The following MAML2 variants were observed in gnomAD, a reference collection of about 807,000 sequenced individuals.
MAML2 encodes mastermind like transcriptional coactivator 2.
MAML2 carries 22 observed loss-of-function variants against 96.1 expected under a neutral mutation model. That is an observed-to-expected ratio of 0.23 (90% confidence interval 0.16 to 0.33). The LOEUF (loss-of-function observed/expected upper bound fraction) is 0.33, where lower values mean the gene tolerates loss of function less well. Among genes scored for constraint, MAML2 ranks in the 10% least tolerant of loss-of-function variants. The pLI is 1.00. For missense variants in MAML2, 1,367 were observed against 1,392.4 expected (o/e 0.98, Z 0.29); for synonymous variants, 561 against 521.3 (o/e 1.08, Z -1.04).
At chr11:96,135,414 G>A (rs1860612336) in intron 1 of MAML2, among the ~76,000 whole-genome samples, 2 of 152,084 alleles carry the variant, frequency 1.3e-5, no homozygotes, top group South Asian at 2.1e-4. Context: ...CTCACACCAG[G>A]CCTATCAGTT....
At chr11:96,228,786 C>T (rs1862249783) in intron 1 of MAML2, among the ~76,000 whole-genome samples, 1 of 152,138 alleles carries the variant, frequency 6.6e-6, no homozygotes, top group Non-Finnish European at 1.5e-5. Flanking sequence ...GGTGATGCTG[C>T]CTCCGGCTGG....
intron 1 of MAML2, among the ~76,000 whole-genome samples, chr11:96,166,197 A>T (rs930291272): frequency 1.3e-5 from 2 of 150,958 alleles, no homozygotes; most frequent in Non-Finnish European, 3.0e-5. Flanking sequence ...ACACACACAC[A>T]CACACACACA....
At chr11:96,279,696 T>G (rs922256354) in intron 1 of MAML2, among the ~76,000 whole-genome samples, 2 of 152,354 alleles carry the variant, frequency 1.3e-5, no homozygotes, top group South Asian at 2.1e-4. Context: ...ATGGCTCACC[T>G]GTGTCCTTGC....
intron 1 of MAML2, among the ~76,000 whole-genome samples, chr11:96,243,059 T>A (rs965850226): frequency 1.3e-5 from 2 of 150,338 alleles, no homozygotes; most frequent in Non-Finnish European, 3.0e-5. Flanking sequence ...CACATACACA[T>A]ACACACACAC....
intron 2 of MAML2, among the ~76,000 whole-genome samples, chr11:96,021,319 T>G (rs1264883300): frequency 6.6e-6 from 1 of 152,218 alleles, no homozygotes; most frequent in African/African-American, 2.4e-5. Context: ...AAATATTTGT[T>G]AAATGAATGG....
At chr11:96,029,971 C>T (rs989167497) in intron 2 of MAML2, among the ~76,000 whole-genome samples, 9 of 152,156 alleles carry the variant, frequency 5.9e-5, no homozygotes, top group African/African-American at 2.2e-4. Flanking sequence ...CGGTGGCTCA[C>T]GCCTATAATC....
Position 96,310,972 on chromosome 11 carries a change from T to C in MAML2, c.513+30411A>G, listed in dbSNP as rs181145715. Among the ~76,000 whole-genome samples, 3 of 152,312 alleles carry C rather than the reference T, an allele frequency of 2.0e-5. No homozygotes were observed. The East Asian group carries it at 5.8e-4, about 29-fold the overall frequency. On this transcript the variant is annotated intron_variant, in intron 1 of 4. Coordinates refer to ENST00000524717, the MANE Select transcript of MAML2 (RefSeq NM_032427.4). ...CAAGAAATGTGTTCAATGGCTAACA[T>C]CTAAGGAGTCCCAACTATGTCTAGG...
In MAML2 at chr11:96,212,108, A is replaced by AGTGTGTGTGT. The variant is rs72133828; in HGVS notation, c.514-118601_514-118592dup. On this transcript the variant is annotated intron_variant, in intron 1 of 4. Transcript: ENST00000524717. ...AATTTAGGCTATAAAAGGAAGACAA[A>AGTGTGTGTGT]GTGTGTGTGTGTGTGTGTGTGTGTG... 3.4e-3 allele frequency among the ~76,000 whole-genome samples: 455 copies of AGTGTGTGTGT among 134,224 alleles called. 2 individuals carry two copies. The highest frequency in any genetic ancestry group is 0.015 in the East Asian group (65 of 4,366). 88.1% of individuals were successfully genotyped at this position (134,224 alleles called of 152,430 possible). A position where few individuals can be genotyped will look rare whatever the true frequency, so the allele number is the denominator to read the frequency against.
intron 1 of MAML2, among the ~76,000 whole-genome samples, chr11:96,226,153 G>C (rs1411369639): frequency 6.6e-6 from 1 of 152,192 alleles, no homozygotes; most frequent in Non-Finnish European, 1.5e-5. Flanking sequence ...ATAGCATGGG[G>C]ATTGAATCTG....
At chr11:96,292,544 T>C (rs1232652763) in intron 1 of MAML2, among the ~76,000 whole-genome samples, 1 of 152,234 alleles carries the variant, frequency 6.6e-6, no homozygotes, top group East Asian at 1.9e-4. Context: ...CAAGCAGTTA[T>C]GTAAACCTAG....
At chr11:96,152,728 C>T (rs1264872995) in intron 1 of MAML2, among the ~76,000 whole-genome samples, 1 of 152,206 alleles carries the variant, frequency 6.6e-6, no homozygotes, top group Non-Finnish European at 1.5e-5. Context: ...CAAGGAAATA[C>T]TGTGTTCACA....
At chr11:96,188,643 T>G (rs1022707478) in intron 1 of MAML2, among the ~76,000 whole-genome samples, 5 of 102,330 alleles carry the variant, frequency 4.9e-5, no homozygotes, top group Admixed American at 9.8e-5. Context: ...AGGAAGTCAG[T>G]TTTTTTTTTT....
intron 1 of MAML2, among the ~76,000 whole-genome samples, chr11:96,202,510 C>A (rs1332047537): frequency 4.6e-5 from 7 of 151,782 alleles, no homozygotes; most frequent in Non-Finnish European, 8.8e-5. Context: ...TCAAAGCCTG[C>A]AAAAATCAGG....
At chr11:96,077,271 A>G (rs1859456744) in intron 2 of MAML2, among the ~76,000 whole-genome samples, 1 of 125,548 alleles carries the variant, frequency 8.0e-6, no homozygotes, top group Non-Finnish European at 1.6e-5. Flanking sequence ...CCCAGGCTGG[A>G]GTGCAGTGGT....
At chr11:96,270,589 A>C (rs1429443560) in intron 1 of MAML2, among the ~76,000 whole-genome samples, 1 of 152,152 alleles carries the variant, frequency 6.6e-6, no homozygotes, top group Non-Finnish European at 1.5e-5. Flanking sequence ...GATTACAGGC[A>C]TGAGCCACCA....
At chr11:96,057,070 G>A (rs992829895) in intron 2 of MAML2, among the ~76,000 whole-genome samples, 1 of 151,970 alleles carries the variant, frequency 6.6e-6, no homozygotes, top group African/African-American at 2.4e-5. Flanking sequence ...TAAAAGGTTT[G>A]CCCCCAAATC....
At chr11:96,042,328 G>T (rs2509099) in intron 2 of MAML2, among the ~76,000 whole-genome samples, 10,363 of 151,950 alleles carry the variant, frequency 0.068, 501 homozygotes, top group African/African-American at 0.14. Flanking sequence ...CTCCATGTTG[G>T]TGAGGCTGGT....
intron 1 of MAML2, among the ~76,000 whole-genome samples, chr11:96,158,016 TTG>T (rs1213596057): frequency 6.6e-6 from 1 of 152,204 alleles, no homozygotes; most frequent in Non-Finnish European, 1.5e-5. Context: ...GAATTATCTA[TTG>T]TGTTTCCAGG....
chr11:96,235,193 A>G (rs985967545), intron 1 of MAML2, among the ~76,000 whole-genome samples: 5 of 152,070 alleles, frequency 3.3e-5, no homozygotes, highest in African/African-American at 1.2e-4. Flanking sequence ...TTCCATGCTT[A>G]TTTTCTCCTT....
Sources: gnomAD v4.1 joint callset for allele counts (sites outside exome capture counted in the v4.1 genomes callset) on GRCh38, gnomAD v4.1.1 for gene constraint, MANE v1.5 for transcripts, NCBI Gene and HGNC (gene_info 2026-07-23, HGNC 2026-07-21) for gene names.